Variants in ZFHX3 observed in about 807,000 individuals in gnomAD.
ZFHX3 encodes zinc finger homeobox 3.
Under a neutral mutation model 279.1 loss-of-function variants are expected in ZFHX3, and 42 were observed. The observed-to-expected ratio is 0.15, with a 90% CI of 0.12 to 0.19. The LOEUF is 0.19. ZFHX3 is among the 10% of genes least tolerant of loss of function. The probability of loss-of-function intolerance (pLI) is 1.00; values close to 1 mark genes in which losing one functional copy is unlikely to be tolerated. For missense variants in ZFHX3, 4,981 were observed against 4,754.0 expected (o/e 1.05, Z -1.40); for synonymous variants, 2,293 against 1,957.8 (o/e 1.17, Z -4.52).
chr16:73,560,304 G>A (rs1475082223), intron 2 of ZFHX3, among the ~76,000 whole-genome samples: 1 of 152,186 alleles, frequency 6.6e-6, no homozygotes, highest in African/African-American at 2.4e-5. Context: ...CTGACATACA[G>A]GTAGTGGAGG....
At chr16:73,259,108 C>T (rs1157482609) in intron 4 of ZFHX3, among the ~76,000 whole-genome samples, 1 of 152,170 alleles carries the variant, frequency 6.6e-6, no homozygotes, top group African/African-American at 2.4e-5. Flanking sequence ...TAGGTTGTCT[C>T]CTGTTTTTCA....
chr16:73,475,610 G>T (rs2018752816), intron 2 of ZFHX3, among the ~76,000 whole-genome samples: 1 of 151,882 alleles, frequency 6.6e-6, no homozygotes, highest in African/African-American at 2.4e-5. Flanking sequence ...TACTAAAGTT[G>T]CATTTTGTTG....
chr16:73,307,988 C>T (rs573394114), intron 4 of ZFHX3, among the ~76,000 whole-genome samples: 3 of 151,818 alleles, frequency 2.0e-5, no homozygotes, highest in East Asian at 3.9e-4. Context: ...TGCCAGCTCC[C>T]GTGATTTCTG....
chr16:73,438,426 A>G (rs1401222434), intron 3 of ZFHX3, among the ~76,000 whole-genome samples: 1 of 152,228 alleles, frequency 6.6e-6, no homozygotes, highest in East Asian at 1.9e-4. Flanking sequence ...CATTTGAACC[A>G]AAGCAACAAA....
intron 5 of ZFHX3, among the ~76,000 whole-genome samples, chr16:73,168,200 A>C (rs1053174921): frequency 8.2e-6 from 1 of 122,064 alleles, no homozygotes; most frequent in Admixed American, 8.1e-5. Flanking sequence ...TTAACACTAT[A>C]GTTTCTTTTG....
chr16:73,186,658 G>A (rs568087544), intron 5 of ZFHX3, among the ~76,000 whole-genome samples: 16 of 151,632 alleles, frequency 1.1e-4, no homozygotes, highest in Non-Finnish European at 2.1e-4. Context: ...TTTAATGGGG[G>A]TCGCATTTCG....
chr16:72,788,842 G>C lies in ZFHX3; in HGVS notation c.9434C>G (p.Thr3145Arg), dbSNP rs368861672. 2.2e-5 allele frequency: 33 copies of C among 1,519,180 alleles called. No individual in the cohort carries two copies. Among genetic ancestry groups the C allele is most frequent in the Non-Finnish European group, 2.8e-5 (32 of 1,136,068 alleles). The allele number at this position is 1,519,180 out of a possible 1,614,324, so 94.1% of individuals were successfully genotyped here. A position where few individuals can be genotyped will look rare whatever the true frequency, so the allele number is the denominator to read the frequency against. The change falls in exon 10 of 10, where the codon ACG becomes AGG. Residue 3145 changes from threonine to arginine, a missense_variant. Thr to Arg is a moderately conservative substitution (Grantham distance 71, BLOSUM62 -1). Transcript: ENST00000268489. ...PGFTPSNTAL[T>R]SPKPNLMGLP... is the part of the protein sequence containing the mutation. Reference sequence around the variant, plus strand: ...ACCCATCAAGTTCGGCTTAGGAGACGTTAAAGCTGAAAGGAATGGAGACAG... The same window carrying C: ...ACCCATCAAGTTCGGCTTAGGAGACCTTAAAGCTGAAAGGAATGGAGACAG...
chr16:73,141,704 A>T (rs916508546), intron 6 of ZFHX3, among the ~76,000 whole-genome samples: 2 of 152,254 alleles, frequency 1.3e-5, no homozygotes, highest in African/African-American at 2.4e-5. Context: ...TGCTCAGCTA[A>T]ATAAATTTTC....
chr16:73,427,934 C>G (rs567978569), intron 3 of ZFHX3, among the ~76,000 whole-genome samples: 3 of 152,228 alleles, frequency 2.0e-5, no homozygotes, highest in African/African-American at 7.2e-5. Context: ...CAGAGCGAGA[C>G]TCTGTCTCAA....
At chr16:73,800,171 C>A (rs1220210878) in intron 1 of ZFHX3, among the ~76,000 whole-genome samples, 1 of 152,072 alleles carries the variant, frequency 6.6e-6, no homozygotes, top group Non-Finnish European at 1.5e-5. Context: ...TTATTAAGGA[C>A]TGCCACCGTG....
intron 1 of ZFHX3, among the ~76,000 whole-genome samples, chr16:73,791,121 C>T (rs527900645): frequency 2.0e-5 from 3 of 152,240 alleles, no homozygotes; most frequent in East Asian, 1.9e-4. Context: ...TGCACCACCA[C>T]ACCTGGCTAA....
At chr16:73,356,454 A>G (rs1041736809) in intron 3 of ZFHX3, among the ~76,000 whole-genome samples, 1 of 152,040 alleles carries the variant, frequency 6.6e-6, no homozygotes, top group Non-Finnish European at 1.5e-5. Context: ...CTGTAATACC[A>G]GTTCCAGCTT....
chr16:73,880,653 A>G (rs2030115732), intron 1 of ZFHX3, among the ~76,000 whole-genome samples: 1 of 152,092 alleles, frequency 6.6e-6, no homozygotes, highest in African/African-American at 2.4e-5. Context: ...TAAGAGTAAA[A>G]TCTCTCAAGT....
At chr16:73,126,711 G>A (rs1407132433) in intron 7 of ZFHX3, 3 of 152,280 alleles carry the variant, frequency 2.0e-5, no homozygotes, top group Non-Finnish European at 4.4e-5. Context: ...GAACAAGGAT[G>A]GGGGTGGATT....
chr16:73,654,398 C>A (rs2142168795), intron 2 of ZFHX3, among the ~76,000 whole-genome samples: 1 of 152,112 alleles, frequency 6.6e-6, no homozygotes, highest in South Asian at 2.1e-4. Context: ...CATTCAAGAA[C>A]AAAACAATCC....
At position 72,889,797 on chromosome 16, in the gene ZFHX3, G is replaced by C. The variant is rs775758584; in HGVS notation, c.3382C>G (p.Leu1128Val). 1 of 1,613,598 alleles carries C rather than the reference G, an allele frequency of 6.2e-7. No homozygotes were observed. Among genetic ancestry groups the C allele is most frequent in the African/African-American group, 1.3e-5 (1 of 74,922 alleles). ...LRKLQRLQKG[L>V]PEEDEDLGQI... The stretch of plus-strand genomic sequence containing the variant: ...CCCAGGTCCTCGTCCTCCTCTGGAA[G>C]GCCCTTCTGCAGCCGCTGCAGCTTT... The change falls in exon 4 of 10, where the codon CTT becomes GTT. Residue 1128 changes from leucine to valine, a missense_variant. Physicochemically the swap from Leu to Val is conservative, Grantham distance 32. Coordinates refer to ENST00000268489, the MANE Select transcript of ZFHX3 (RefSeq NM_006885.4).
At chr16:73,696,268 C>T (rs1405102135) in intron 1 of ZFHX3, among the ~76,000 whole-genome samples, 2 of 152,152 alleles carry the variant, frequency 1.3e-5, no homozygotes, top group South Asian at 4.1e-4. Flanking sequence ...TAATGAGCAG[C>T]CTTAAGTATA....
chr16:73,223,278 C>A (rs373749714), intron 5 of ZFHX3, among the ~76,000 whole-genome samples: 1 of 152,076 alleles, frequency 6.6e-6, no homozygotes, highest in Non-Finnish European at 1.5e-5. Flanking sequence ...AGAGAATTAA[C>A]AGACAAGCCA....
chr16:73,394,702 G>C (rs75605301), intron 3 of ZFHX3, among the ~76,000 whole-genome samples: 2 of 152,252 alleles, frequency 1.3e-5, no homozygotes, highest in Admixed American at 1.3e-4. Context: ...AACTGGTATG[G>C]TAAATAACTT....
Sources: allele counts gnomAD v4.1 joint callset (sites outside exome capture counted in the v4.1 genomes callset), GRCh38; gene constraint gnomAD v4.1.1; transcripts MANE v1.5; gene names NCBI Gene and HGNC (gene_info 2026-07-23, HGNC 2026-07-21).